CRBN: variants seen among roughly 807,000 people sequenced by gnomAD.
CRBN encodes cereblon.
In CRBN, 53 loss-of-function variants were observed where a neutral mutation model predicts 62.2. The observed-to-expected ratio is 0.85, with a 90% CI of 0.68 to 1.07. The LOEUF is 1.07. Ranked by LOEUF, CRBN falls within the 50% of genes least tolerant of loss-of-function variation. CRBN has a pLI of 0.00. For missense variants in CRBN, 616 were observed against 531.1 expected, an observed-to-expected ratio of 1.16 and a Z score of -1.57; for synonymous variants, 208 against 176.1, an observed-to-expected ratio of 1.18 and a Z score of -1.43.
At position 3,152,679 on chromosome 3, in the gene CRBN, G is replaced by A. The variant is rs1260540701; in HGVS notation, c.1017-92C>T. 4.8e-6 allele frequency: 7 copies of A among 1,455,280 alleles called. No individual in the cohort carries two copies. In the East Asian group the frequency reaches 1.4e-4, roughly 30 times the overall value. The allele number at this position is 1,455,280 out of a possible 1,614,324, so 90.1% of individuals were successfully genotyped here. On this transcript the variant is annotated intron_variant, in intron 9 of 10. Transcript: ENST00000231948. Reference sequence around the variant, plus strand: ...ATTTTATTGAAGTTCACCAAGAAATGAGGTATGAGCTATACAGTTTTTAAT... The same window carrying A: ...ATTTTATTGAAGTTCACCAAGAAATAAGGTATGAGCTATACAGTTTTTAAT...
chr3:3,173,854 G>A (rs2126068284), intron 3 of CRBN: 1 of 596,644 alleles, frequency 1.7e-6, no homozygotes. Context: ...GTATGAAGGT[G>A]AAGAGCTGAG....
At chr3:3,151,905 A>G (rs566704722) in intron 10 of CRBN, among the ~76,000 whole-genome samples, 1 of 152,338 alleles carries the variant, frequency 6.6e-6, no homozygotes, top group South Asian at 2.1e-4. Flanking sequence ...ATTGCTTTGT[A>G]AACATTCTCC....
At chr3:3,151,533 T>C (rs921502174) in intron 10 of CRBN, among the ~76,000 whole-genome samples, 17 of 152,226 alleles carry the variant, frequency 1.1e-4, no homozygotes, top group Admixed American at 3.3e-4. Context: ...TGTCAGATAA[T>C]GCAACCAGAA....
intron 2 of CRBN, among the ~76,000 whole-genome samples, chr3:3,174,746 T>C (rs1707761946): frequency 6.6e-6 from 1 of 152,242 alleles, no homozygotes; most frequent in Non-Finnish European, 1.5e-5. Context: ...CTTTAACTCT[T>C]AGAAGAATTT....
In CRBN at chr3:3,179,201, T is replaced by C. The variant is rs544364188; in HGVS notation, c.67+420A>G. 5.3e-5 allele frequency among the ~76,000 whole-genome samples: 8 copies of C among 152,312 alleles called. No individual in the cohort carries two copies. In the South Asian group the frequency reaches 1.5e-3, roughly 28 times the overall value. On this transcript the variant is annotated intron_variant, in intron 1 of 10. Coordinates refer to ENST00000231948, the MANE Select transcript of CRBN (RefSeq NM_016302.4). Reference sequence around the variant, plus strand: ...AAAAGGCGACATGCATGCAAAGCGTTAACTGCACGGCTCGTAACATGGTAA... The same window carrying C: ...AAAAGGCGACATGCATGCAAAGCGTCAACTGCACGGCTCGTAACATGGTAA...
intron 5 of CRBN, among the ~76,000 whole-genome samples, chr3:3,165,839 A>G (rs1375249471): frequency 2.6e-5 from 4 of 152,178 alleles, no homozygotes; most frequent in Non-Finnish European, 4.4e-5. Context: ...ACACATAGGG[A>G]ACAACTTGAT....
At position 3,174,147 on chromosome 3, in the gene CRBN, A is replaced by T; in HGVS notation, c.289T>A (p.Leu97Ile). The T allele has an allele frequency of 1.2e-6, 2 of 1,614,182 alleles. No homozygotes were observed. The highest frequency in any genetic ancestry group is 2.2e-5 in the South Asian group (2 of 91,084). Residue 97 changes from leucine to isoleucine, a missense_variant, in exon 3 of 11, where the codon TTA becomes ATA. By Grantham distance (5) the Leu-to-Ile change is conservative. Transcript: ENST00000231948. Reference protein sequence around the residue: ...VMMILIPGQTLPLQLFHPQEV... With the variant: ...VMMILIPGQTIPLQLFHPQEV... Reference sequence around the variant, plus strand: ...TGAGGGTGAAAAAGCTGAAGAGGTAATGTCTGTCCGGGAATCAGGATCATC... The same window carrying T: ...TGAGGGTGAAAAAGCTGAAGAGGTATTGTCTGTCCGGGAATCAGGATCATC...
Position 3,151,020 on chromosome 3 carries a change from T to C in CRBN, c.1174A>G (p.Lys392Glu). ...PGYAWTVAQCKICASHIGWKF... is the reference protein window; with the variant it reads ...PGYAWTVAQCEICASHIGWKF... ...CATCCAATATGGCTTGCACAGATCT[T>C]ACACTGGGCAACAGTCCAGGCATAC... Residue 392 changes from lysine to glutamate, a missense_variant, in exon 11 of 11, where the codon AAG (lysine) becomes GAG (glutamate). Coordinates refer to ENST00000231948, the MANE Select transcript of CRBN (RefSeq NM_016302.4). 6.2e-7 allele frequency: 1 copy of C among 1,613,864 alleles called. No homozygotes were observed. Among genetic ancestry groups the C allele is most frequent in the Non-Finnish European group, 8.5e-7 (1 of 1,179,920 alleles).
intron 10 of CRBN, 30 bp downstream of exon 10, chr3:3,152,426 A>G (rs755006433): frequency 6.2e-7 from 1 of 1,602,144 alleles, no homozygotes; most frequent in South Asian, 1.1e-5. Context: ...AAAAAAAGAA[A>G]AAAAAAAGCA....
At chr3:3,173,437 A>C (rs983532333) in intron 3 of CRBN, among the ~76,000 whole-genome samples, 2 of 152,236 alleles carry the variant, frequency 1.3e-5, no homozygotes, top group African/African-American at 4.8e-5. Context: ...TAGGAAAATA[A>C]TAGATTTCTA....
chr3:3,151,090 C>T (rs1459756520), intron 10 of CRBN, 45 bp from the exon 11 acceptor site: 12 of 1,593,556 alleles, frequency 7.5e-6, no homozygotes, highest in African/African-American at 2.7e-5. Flanking sequence ...CATTTCTGTA[C>T]TCCAAGCCTA....
chr3:3,160,148 A>T (rs1373932269), intron 5 of CRBN, among the ~76,000 whole-genome samples: 2 of 152,192 alleles, frequency 1.3e-5, no homozygotes, highest in African/African-American at 4.8e-5. Context: ...TAAGCCTCAT[A>T]ACTATGGCTT....
intron 1 of CRBN, among the ~76,000 whole-genome samples, chr3:3,178,236 C>A (rs886198161): frequency 1.3e-5 from 2 of 152,164 alleles, no homozygotes; most frequent in African/African-American, 4.8e-5. Context: ...GGCACACTTA[C>A]CCTTGTGTCA....
chr3:3,174,863 A>G (rs991691618), intron 2 of CRBN, among the ~76,000 whole-genome samples: 4 of 152,224 alleles, frequency 2.6e-5, no homozygotes, highest in African/African-American at 4.8e-5. Context: ...CACAAACAGT[A>G]AGTATAAAAT....
chr3:3,169,064 A>G (rs1707490281), intron 4 of CRBN, among the ~76,000 whole-genome samples: 1 of 152,194 alleles, frequency 6.6e-6, no homozygotes, highest in African/African-American at 2.4e-5. Context: ...GGTTATAGGT[A>G]ACTGAATTAA....
chr3:3,152,237 T>C (rs1051772101), intron 10 of CRBN, among the ~76,000 whole-genome samples: 1 of 151,584 alleles, frequency 6.6e-6, no homozygotes, highest in African/African-American at 2.4e-5. Flanking sequence ...TGCAACACTC[T>C]TGCCTTCCAG....
At chr3:3,165,972 T>C (rs991890754) in intron 5 of CRBN, among the ~76,000 whole-genome samples, 1 of 152,180 alleles carries the variant, frequency 6.6e-6, no homozygotes, top group South Asian at 2.1e-4. Flanking sequence ...ATCACTGACA[T>C]ACTTATTTCA....
At chr3:3,175,302 A>AG in intron 1 of CRBN, 33 bp from the exon 2 acceptor site, 7 of 1,431,730 alleles carry the variant, frequency 4.9e-6, no homozygotes, top group Non-Finnish European at 6.9e-6. Flanking sequence ...GAAAAAAAAA[A>AG]AGATGAATGA....
chr3:3,153,834 A>G lies in CRBN; in HGVS notation c.951+126T>C, dbSNP rs563317476. The G allele has an allele frequency of 8.2e-5, 57 of 697,206 alleles. No individual in the cohort carries two copies. In the African/African-American group the frequency reaches 9.0e-4, roughly 11 times the overall value. The allele number at this position is 697,206 out of a possible 1,614,324, so 43.2% of individuals were successfully genotyped here. On this transcript the variant is annotated intron_variant, in intron 8 of 10. Coordinates refer to ENST00000231948, the MANE Select transcript of CRBN (RefSeq NM_016302.4). ...CAATGAGTTTGTTTGTAAGATCCCA[A>G]TTGAAATCTGAATTGCATGACTACA...
Sources: gnomAD v4.1 joint callset for allele counts (sites outside exome capture counted in the v4.1 genomes callset) on GRCh38, gnomAD v4.1.1 for gene constraint, MANE v1.5 for transcripts, NCBI Gene and HGNC (gene_info 2026-07-23, HGNC 2026-07-21) for gene names.